The following CAMK2D variants were observed in gnomAD, a reference collection of about 807,000 sequenced individuals.
CAMK2D encodes calcium/calmodulin-dependent protein kinase type II subunit delta.
CAMK2D carries 37 observed loss-of-function variants against 84.0 expected under a neutral mutation model. That is an observed-to-expected ratio of 0.44 (90% CI 0.34 to 0.58). The LOEUF (loss-of-function observed/expected upper bound fraction) is 0.58. Ranked by LOEUF, CAMK2D falls within the 20% of genes least tolerant of loss-of-function variation. CAMK2D has a pLI of 0.02. For missense variants in CAMK2D, 448 were observed against 652.5 expected (o/e 0.69, Z 3.41); for synonymous variants, 202 against 212.5 (o/e 0.95, Z 0.43).
intron 5 of CAMK2D, among the ~76,000 whole-genome samples, chr4:113,549,194 G>T (rs1443852808): frequency 6.6e-6 from 1 of 152,134 alleles, no homozygotes; most frequent in Non-Finnish European, 1.5e-5. Flanking sequence ...AGTGGCAGGT[G>T]AAACAAGGGT....
At chr4:113,621,968 A>G (rs2154277870) in intron 3 of CAMK2D, among the ~76,000 whole-genome samples, 1 of 152,342 alleles carries the variant, frequency 6.6e-6, no homozygotes, top group African/African-American at 2.4e-5. Flanking sequence ...ATATGGGGCT[A>G]CTAAATCAAC....
At chr4:113,588,456 TA>T (rs1193081960) in intron 4 of CAMK2D, among the ~76,000 whole-genome samples, 12 of 152,286 alleles carry the variant, frequency 7.9e-5, no homozygotes, top group Non-Finnish European at 1.0e-4. Flanking sequence ...TTTCATTTCT[TA>T]AAACGTATCA....
intron 3 of CAMK2D, among the ~76,000 whole-genome samples, chr4:113,660,654 G>A (rs937086254): frequency 6.6e-6 from 1 of 152,030 alleles, no homozygotes; most frequent in Non-Finnish European, 1.5e-5. Context: ...CCCCTCCAAA[G>A]TGCTGGGATT....
At chr4:113,542,934 T>C (rs2098540776) in intron 6 of CAMK2D, among the ~76,000 whole-genome samples, 1 of 152,214 alleles carries the variant, frequency 6.6e-6, no homozygotes. Context: ...AATGTTCTTC[T>C]GAATAGGGGC....
chr4:113,457,162 CTGAT>C (rs2097312722), intron 19 of CAMK2D, 169 bp downstream of exon 19: 1 of 1,434,938 alleles, frequency 7.0e-7, no homozygotes, highest in Non-Finnish European at 9.1e-7. Flanking sequence ...AATGGCTGAT[CTGAT>C]TGATCTTTCC....
intron 20 of CAMK2D, among the ~76,000 whole-genome samples, chr4:113,454,817 A>C (rs2097286182): frequency 6.6e-6 from 1 of 152,220 alleles, no homozygotes. Context: ...ATACATCTTA[A>C]GCATTCCTGT....
At chr4:113,636,207 T>C (rs1298334294) in intron 3 of CAMK2D, among the ~76,000 whole-genome samples, 1 of 152,164 alleles carries the variant, frequency 6.6e-6, no homozygotes, top group Non-Finnish European at 1.5e-5. Context: ...CCTCACAGTT[T>C]CTCTGGATTT....
Position 113,455,793 on chromosome 4 carries a change from T to G in CAMK2D, c.1564A>C (p.Asn522His). ...KPPCIPNGKE[N>H]FSGGTSLWQN... ...CACAAAGAGGTGCCTCCTGAGAAGTTTTCTTTCCCATTTGGAATACAGGGT... is the reference window on the plus strand; with the variant it reads ...CACAAAGAGGTGCCTCCTGAGAAGTGTTCTTTCCCATTTGGAATACAGGGT... The change falls in exon 20 of 21, where the codon AAC becomes CAC. Residue 522 changes from asparagine to histidine, a missense_variant. Transcript: ENST00000511664. The G allele has an allele frequency of 3.7e-6, 6 of 1,612,252 alleles. No homozygotes were observed. The highest frequency in any genetic ancestry group is 5.1e-6 in the Non-Finnish European group (6 of 1,178,554).
chr4:113,623,400 A>C (rs2099054789), intron 3 of CAMK2D, among the ~76,000 whole-genome samples: 1 of 152,072 alleles, frequency 6.6e-6, no homozygotes, highest in African/African-American at 2.4e-5. Context: ...ACACACACAC[A>C]CACCCACACA....
At chr4:113,554,282 T>C (rs1257519882) in intron 4 of CAMK2D, among the ~76,000 whole-genome samples, 1 of 152,142 alleles carries the variant, frequency 6.6e-6, no homozygotes, top group Non-Finnish European at 1.5e-5. Context: ...CCATTTCATT[T>C]ACTGTAAATC....
intron 20 of CAMK2D, among the ~76,000 whole-genome samples, chr4:113,455,277 T>C (rs2097291374): frequency 6.6e-6 from 1 of 152,188 alleles, no homozygotes; most frequent in African/African-American, 2.4e-5. Flanking sequence ...TCAAGTACCA[T>C]TATACTCAGT....
At chr4:113,699,832 T>A (rs1366749970) in intron 2 of CAMK2D, among the ~76,000 whole-genome samples, 1 of 152,168 alleles carries the variant, frequency 6.6e-6, no homozygotes, top group Non-Finnish European at 1.5e-5. Flanking sequence ...CTTTTAAAAA[T>A]AAATTTATGA....
chr4:113,505,715 A>G (rs1026916577), intron 13 of CAMK2D, among the ~76,000 whole-genome samples: 2 of 152,194 alleles, frequency 1.3e-5, no homozygotes, highest in Non-Finnish European at 2.9e-5. Context: ...TACTGCTATC[A>G]CTGCAGAATA....
chr4:113,703,440 C>G (rs2099429000), intron 2 of CAMK2D, among the ~76,000 whole-genome samples: 1 of 152,116 alleles, frequency 6.6e-6, no homozygotes, highest in African/African-American at 2.4e-5. Context: ...ATTTTTCCAC[C>G]TCAGCCTCCC....
chr4:113,547,237 A>G (rs2098585053), intron 6 of CAMK2D, among the ~76,000 whole-genome samples: 2 of 152,204 alleles, frequency 1.3e-5, no homozygotes, highest in Admixed American at 1.3e-4. Context: ...CTTTATCTCT[A>G]CACACTTTAT....
At chr4:113,591,157 T>G (rs534847256) in intron 4 of CAMK2D, among the ~76,000 whole-genome samples, 1 of 152,080 alleles carries the variant, frequency 6.6e-6, no homozygotes, top group East Asian at 1.9e-4. Context: ...TTAGAAGTTT[T>G]ACTTATTTTA....
intron 16 of CAMK2D, among the ~76,000 whole-genome samples, chr4:113,498,207 G>C (rs985425839): frequency 7.9e-5 from 12 of 152,052 alleles, no homozygotes; most frequent in African/African-American, 2.7e-4. Context: ...TCACATATAG[G>C]GTCTTTCTTG....
At chr4:113,515,806 C>T (rs1421370683) in intron 9 of CAMK2D, among the ~76,000 whole-genome samples, 1 of 152,212 alleles carries the variant, frequency 6.6e-6, no homozygotes, top group African/African-American at 2.4e-5. Context: ...GAAGTTTAAT[C>T]TGCCCAATTA....
In CAMK2D at chr4:113,725,489, AG is replaced by A. The variant is rs1398336555; in HGVS notation, c.160+33830del. 2.0e-5 allele frequency among the ~76,000 whole-genome samples: 3 copies of A among 152,168 alleles called. No individual in the cohort carries two copies. In the East Asian group the frequency reaches 5.8e-4, roughly 29 times the overall value. ...TATGTCAAATTTACTTTGCCTATAA[AG>A]GAACAAGTCCCTCTGGCCTTTCTAA... On this transcript the variant is annotated intron_variant, in intron 2 of 20. Coordinates refer to ENST00000511664, the MANE Select transcript of CAMK2D (RefSeq NM_001321571.2).
Sources: allele counts gnomAD v4.1 joint callset (sites outside exome capture counted in the v4.1 genomes callset), GRCh38; gene constraint gnomAD v4.1.1; transcripts MANE v1.5; gene names NCBI Gene and HGNC (gene_info 2026-07-23, HGNC 2026-07-21).